The following CATSPERE variants were observed in gnomAD, a reference collection of about 807,000 sequenced individuals.
The protein encoded by CATSPERE is catsper channel auxiliary subunit epsilon.
A neutral mutation model predicts 114.1 loss-of-function variants in CATSPERE; 93 were observed. The ratio of observed to expected loss-of-function variants is 0.81; its 90% CI spans 0.69 to 0.97. The LOEUF (loss-of-function observed/expected upper bound fraction) is 0.97, where lower values mean the gene tolerates loss of function less well. CATSPERE is among the 50% of genes least tolerant of loss of function. The pLI is 0.00. For synonymous variants in CATSPERE, 341 were observed against 384.1 expected, an observed-to-expected ratio of 0.89 and a Z score of 1.31; for missense variants, 1,058 against 1,131.6, an observed-to-expected ratio of 0.93 and a Z score of 0.93.
chr1:244,507,005 T>C (rs545671793), intron 7 of CATSPERE, among the ~76,000 whole-genome samples: 11 of 152,324 alleles, frequency 7.2e-5, no homozygotes, highest in African/African-American at 2.6e-4. Context: ...ACATATGATA[T>C]TTCTCTTTCT....
intron 8 of CATSPERE, among the ~76,000 whole-genome samples, chr1:244,551,293 A>G (rs1276438096): frequency 6.6e-6 from 1 of 152,206 alleles, no homozygotes; most frequent in African/African-American, 2.4e-5. Flanking sequence ...GAGAGACAGT[A>G]ATGAAGGGAA....
At chr1:244,618,508 C>T (rs1055902642) in intron 20 of CATSPERE, among the ~76,000 whole-genome samples, 12 of 152,156 alleles carry the variant, frequency 7.9e-5, no homozygotes, top group Admixed American at 2.0e-4. Context: ...AGACCAGGCA[C>T]GGTGGCTCAC....
upstream of CATSPERE, among the ~76,000 whole-genome samples, chr1:244,456,458 AG>A (rs1245621227): frequency 2.0e-5 from 3 of 152,146 alleles, no homozygotes; most frequent in African/African-American, 7.2e-5. Context: ...TAATTGCCTT[AG>A]AAAAATGAGC....
At chr1:244,594,446 T>A (rs915745501) in intron 17 of CATSPERE, among the ~76,000 whole-genome samples, 4 of 152,370 alleles carry the variant, frequency 2.6e-5, no homozygotes, top group Admixed American at 1.3e-4. Context: ...CTTGGCTTAT[T>A]ATTATAAAAG....
chr1:244,638,488 C>T (rs938108437), intron 21 of CATSPERE, among the ~76,000 whole-genome samples: 3 of 152,200 alleles, frequency 2.0e-5, no homozygotes, highest in African/African-American at 7.2e-5. Context: ...GAGCTTCCCA[C>T]TCTGGCAAGC....
chr1:244,478,203 T>C (rs1202519085), intron 4 of CATSPERE, among the ~76,000 whole-genome samples: 1 of 152,212 alleles, frequency 6.6e-6, no homozygotes, highest in Admixed American at 6.5e-5. Flanking sequence ...TTTATCTTAG[T>C]CTTTTTATTA....
At chr1:244,498,130 G>GTTTATCAGTA (rs1365604506) in intron 6 of CATSPERE, among the ~76,000 whole-genome samples, 3 of 152,242 alleles carry the variant, frequency 2.0e-5, no homozygotes, top group Non-Finnish European at 4.4e-5. Context: ...TTTATCAGTA[G>GTTTATCAGTA]GTTACTGGTT....
At position 244,568,295 on chromosome 1, in the gene CATSPERE, G is replaced by T. The variant is rs1241346590; in HGVS notation, c.1508-4035G>T. Among the ~76,000 whole-genome samples the T allele has an allele frequency of 6.6e-6, 1 of 152,218 alleles. No homozygotes were observed. Among genetic ancestry groups the T allele is most frequent in the South Asian group, 2.1e-4 (1 of 4,836 alleles). On this transcript the variant is annotated intron_variant, in intron 10 of 21. Transcript: ENST00000366534. This position sits in a 1 kb window ranked among gnomAD's most constrained non-coding sequence, Gnocchi z 4.4. ...TGTCTGTCAACCCCTGCTAGGAGGT[G>T]TCTTCCAGTCAGGAGACACAGGGGT...
chr1:244,540,514 C>G (rs200216714), intron 8 of CATSPERE, among the ~76,000 whole-genome samples: 118,729 of 137,524 alleles, frequency 0.86, 52,238 homozygotes, highest in East Asian at 1. Context: ...AGGATACAAA[C>G]AAATGGAAGA....
intron 5 of CATSPERE, among the ~76,000 whole-genome samples, chr1:244,481,094 C>T (rs114321091): frequency 0.012 from 1,754 of 152,064 alleles, 21 homozygotes; most frequent in Middle Eastern, 0.058. Context: ...GTCAAGGTTA[C>T]GGTGAGCTAT....
chr1:244,610,921 T>C (rs1381571155), intron 19 of CATSPERE, among the ~76,000 whole-genome samples: 5 of 151,930 alleles, frequency 3.3e-5, no homozygotes, highest in Non-Finnish European at 1.5e-5. Context: ...CCACCACGCC[T>C]GGCTAATTTT....
chr1:244,620,911 G>A (rs1225721009), intron 20 of CATSPERE, among the ~76,000 whole-genome samples: 2 of 149,096 alleles, frequency 1.3e-5, no homozygotes, highest in Non-Finnish European at 3.0e-5. Context: ...CAGAGACAGA[G>A]ATTAGATCAG....
chr1:244,517,131 C>CT lies in CATSPERE; in HGVS notation c.430-1456dup, dbSNP rs201131665. Among the ~76,000 whole-genome samples the CT allele has an allele frequency of 7.2e-3, 1,101 of 151,960 alleles. 21 individuals are homozygous for CT. The highest frequency in any genetic ancestry group is 0.025 in the African/African-American group (1,026 of 41,364). On this transcript the variant is annotated intron_variant, in intron 7 of 21. Coordinates refer to ENST00000366534, the MANE Select transcript of CATSPERE (RefSeq NM_001130957.2). ...AAGAAAACACTAATGTGGTTTTTGCCTTTTTGATAATTTCTATGTGTTAGT... is the reference window on the plus strand; with the variant it reads ...AAGAAAACACTAATGTGGTTTTTGCCTTTTTTGATAATTTCTATGTGTTAGT...
intron 6 of CATSPERE, among the ~76,000 whole-genome samples, chr1:244,498,272 A>C (rs954663958): frequency 6.6e-6 from 1 of 152,220 alleles, no homozygotes; most frequent in African/African-American, 2.4e-5. Context: ...GCATGCTAGC[A>C]TTTTGTAAAA....
intron 2 of CATSPERE, among the ~76,000 whole-genome samples, chr1:244,467,346 A>G (rs1307559367): frequency 2.0e-5 from 3 of 152,228 alleles, no homozygotes; most frequent in Non-Finnish European, 4.4e-5. Flanking sequence ...ATTTCACAAA[A>G]AAGGATGTAC....
At chr1:244,612,420 A>C (rs1271024958) in intron 19 of CATSPERE, among the ~76,000 whole-genome samples, 1 of 17,062 alleles carries the variant, frequency 5.9e-5, no homozygotes, top group East Asian at 0.17. Flanking sequence ...ATCAGGGAAG[A>C]AGCTCTGGGA....
intron 20 of CATSPERE, among the ~76,000 whole-genome samples, chr1:244,628,665 C>T (rs1335459380): frequency 6.6e-6 from 1 of 152,192 alleles, no homozygotes; most frequent in Non-Finnish European, 1.5e-5. Flanking sequence ...GCCATCTCTC[C>T]TATTAGGAAA....
chr1:244,497,640 T>C (rs1434708332), intron 6 of CATSPERE, among the ~76,000 whole-genome samples: 1 of 151,782 alleles, frequency 6.6e-6, no homozygotes, highest in East Asian at 1.9e-4. Flanking sequence ...CTACTAAAAA[T>C]ATAAAAAATA....
intron 7 of CATSPERE, among the ~76,000 whole-genome samples, chr1:244,503,246 A>C (rs963803106): frequency 6.6e-6 from 1 of 152,170 alleles, no homozygotes; most frequent in African/African-American, 2.4e-5. Context: ...CAGTTTTACT[A>C]TGATGTATCT....
Sources: allele counts gnomAD v4.1 joint callset (sites outside exome capture counted in the v4.1 genomes callset), GRCh38; gene constraint gnomAD v4.1.1; non-coding constraint Gnocchi (gnomAD v3.1); transcripts MANE v1.5; gene names NCBI Gene and HGNC (gene_info 2026-07-23, HGNC 2026-07-21).